NCR1: variants seen among roughly 807,000 people sequenced by gnomAD.
NCR1 encodes the protein natural cytotoxicity triggering receptor 1, also known as NK cell-activating receptor.
In NCR1, 30 loss-of-function variants were observed where a neutral mutation model predicts 32.5. The observed-to-expected ratio is 0.92, with a 90% CI of 0.69 to 1.25. NCR1 has a LOEUF of 1.25. Ranked by LOEUF, NCR1 falls within the 50% of genes most tolerant of loss-of-function variation. NCR1 has a pLI of 0.00. For missense variants in NCR1, 369 were observed against 380.7 expected (o/e 0.97, Z 0.26); for synonymous variants, 169 against 143.4 (o/e 1.18, Z -1.28).
downstream of NCR1, among the ~76,000 whole-genome samples, chr19:54,914,532 T>A (rs1275916179): frequency 6.6e-6 from 1 of 151,552 alleles, no homozygotes; most frequent in African/African-American, 2.4e-5. Context: ...AGAAATGGGG[T>A]TTCACAATGT....
the NCR1 span, chr19:54,927,923 C>T: frequency 1.4e-6 from 1 of 740,508 alleles, no homozygotes; most frequent in South Asian, 1.5e-5. Flanking sequence ...CAAACCCCAT[C>T]TCTACTAAAA....
At chr19:54,931,161 C>T in the NCR1 span, among the ~76,000 whole-genome samples, 3 of 152,252 alleles carry the variant, frequency 2.0e-5, no homozygotes, top group South Asian at 2.1e-4. Context: ...CAGTGGCTCA[C>T]GCCTATAATC....
rs1257111703 is a variant in NCR1 at position 54,906,366 on chromosome 19, C to T, written c.70+32C>T. 2.5e-6 allele frequency: 4 copies of T among 1,611,656 alleles called. No individual in the cohort carries two copies. The East Asian group carries it at 8.9e-5, about 36-fold the overall frequency. On this transcript the variant is annotated intron_variant, in intron 2 of 6. Transcript: ENST00000291890. ...CCTTCCTTCAAAGCCCAGGGTCACT[C>T]TTCCGGATTCAGGCCAAGCTCCTTC... is the stretch of plus-strand genomic sequence containing the variant.
the NCR1 span, among the ~76,000 whole-genome samples, chr19:54,926,038 C>T: frequency 6.0e-5 from 9 of 149,834 alleles, no homozygotes; most frequent in East Asian, 2.0e-4. Context: ...AGACAGACTC[C>T]GTCTCAAAAA....
chr19:54,915,577 G>C (rs12327595), downstream of NCR1, among the ~76,000 whole-genome samples: 3 of 152,034 alleles, frequency 2.0e-5, no homozygotes, highest in Admixed American at 2.0e-4. Flanking sequence ...ACTTGAACCC[G>C]GGAGGCAGAG....
rs1260943606 is a variant in NCR1, at chr19:54,909,240, C to A, written c.356-5C>A. ...CTGGTGTGGTGGCCCCACCTTCTCT[C>A]ATAGAAATGTATGACACACCCACCC... is the stretch of plus-strand genomic sequence containing the variant. On this transcript the variant is annotated splice_region_variant and splice_polypyrimidine_tract_variant and intron_variant, in intron 3 of 6. Coordinates refer to ENST00000291890, the MANE Select transcript of NCR1 (RefSeq NM_004829.7). 3.1e-6 allele frequency: 5 copies of A among 1,605,282 alleles called. No individual in the cohort carries two copies. The highest frequency in any genetic ancestry group is 4.3e-6 in the Non-Finnish European group (5 of 1,172,718).
upstream of NCR1, among the ~76,000 whole-genome samples, chr19:54,903,804 A>C (rs963568484): frequency 1.3e-4 from 20 of 151,452 alleles, no homozygotes; most frequent in African/African-American, 2.9e-4. Context: ...TTTTTTATTA[A>C]GTGGAGAGTT....
chr19:54,899,478 A>T, the NCR1 span, among the ~76,000 whole-genome samples: 3 of 152,090 alleles, frequency 2.0e-5, no homozygotes, highest in East Asian at 5.8e-4. Context: ...AAAAGCGGGA[A>T]AGGGGTCAGG....
chr19:54,907,933 G>A (rs868666045), intron 3 of NCR1, among the ~76,000 whole-genome samples: 1 of 151,646 alleles, frequency 6.6e-6, no homozygotes, highest in African/African-American at 2.4e-5. Context: ...CAGGGTCTTT[G>A]GACCTTGTTT....
Position 54,912,977 on chromosome 19 carries a change from G to A in NCR1, c.*106G>A, listed in dbSNP as rs2068053404. 1.9e-6 allele frequency: 2 copies of A among 1,044,040 alleles called. No individual in the cohort carries two copies. The highest frequency in any genetic ancestry group is 1.6e-5 in the African/African-American group (1 of 63,088). The allele number at this position is 1,044,040 out of a possible 1,614,324, so 64.7% of individuals were successfully genotyped here. Reference sequence around the variant, plus strand: ...CCCACGGAGGAGGGAGTCACTGCAGGGAAAGAGGGACACTGGCATTCCATT... The same window carrying A: ...CCCACGGAGGAGGGAGTCACTGCAGAGAAAGAGGGACACTGGCATTCCATT... On this transcript the variant is annotated 3_prime_UTR_variant, in exon 7 of 7. Coordinates refer to ENST00000291890, the MANE Select transcript of NCR1 (RefSeq NM_004829.7).
At chr19:54,926,017 T>G in the NCR1 span, among the ~76,000 whole-genome samples, 1 of 149,056 alleles carries the variant, frequency 6.7e-6, no homozygotes. Context: ...AAAAGACAGA[T>G]TCAAAAAAAA....
downstream of NCR1, among the ~76,000 whole-genome samples, chr19:54,920,543 A>G (rs1468737615): frequency 6.6e-6 from 1 of 152,176 alleles, no homozygotes; most frequent in African/African-American, 2.4e-5. Context: ...TAAGTGGGTA[A>G]GAGCCCAGTG....
At chr19:54,908,675 A>T (rs1326558228) in intron 3 of NCR1, among the ~76,000 whole-genome samples, 1 of 138,736 alleles carries the variant, frequency 7.2e-6, no homozygotes, top group African/African-American at 2.6e-5. Context: ...TTTTTGAGAC[A>T]GTCTCGCTGC....
chr19:54,900,617 G>A, the NCR1 span, among the ~76,000 whole-genome samples: 1 of 152,224 alleles, frequency 6.6e-6, no homozygotes, highest in South Asian at 2.1e-4. Flanking sequence ...ACCTGACCTG[G>A]TGATCCGCAC....
At chr19:54,934,747 T>TC in the NCR1 span, 1 of 1,134,512 alleles carries the variant, frequency 8.8e-7, no homozygotes, top group African/African-American at 1.6e-5. The surrounding 1 kb of genome is among the most constrained non-coding windows in gnomAD (Gnocchi z 6.7). Flanking sequence ...TTTCACTCTG[T>TC]TGCCCAGTCT....
downstream of NCR1, among the ~76,000 whole-genome samples, chr19:54,915,139 G>A (rs1176140836): frequency 6.6e-6 from 1 of 152,088 alleles, no homozygotes; most frequent in African/African-American, 2.4e-5. Flanking sequence ...TGCCTCTACC[G>A]TGAACTCGTG....
chr19:54,928,658 G>T, the NCR1 span, among the ~76,000 whole-genome samples: 1 of 152,096 alleles, frequency 6.6e-6, no homozygotes, highest in South Asian at 2.1e-4. Flanking sequence ...AGAAACTGAA[G>T]GATGGTAGAT....
chr19:54,909,514 C>G lies in NCR1; in HGVS notation c.625C>G (p.Leu209Val). Residue 209 changes from leucine (L) to valine (V), a missense_variant, in exon 4 of 7, where the codon CTG (leucine) becomes GTG (valine). Leu to Val is a conservative substitution (Grantham distance 32). Coordinates refer to ENST00000291890, the MANE Select transcript of NCR1 (RefSeq NM_004829.7). The stretch of plus-strand genomic sequence containing the variant: ...TTTCCCCAGTGAGCCAGTGAAGCTC[C>G]TGGTCACAGGTGAGGAAATGCTCAA... ...WSFPSEPVKLLVTGDIENTSL... is the reference protein window; with the variant it reads ...WSFPSEPVKLVVTGDIENTSL... The G allele has an allele frequency of 6.2e-7, 1 of 1,604,430 alleles. No individual in the cohort carries two copies. Among genetic ancestry groups the G allele is most frequent in the South Asian group, 1.1e-5 (1 of 91,050 alleles).
intron 5 of NCR1, among the ~76,000 whole-genome samples, chr19:54,910,676 G>A (rs184278660): frequency 2.6e-5 from 4 of 152,286 alleles, no homozygotes; most frequent in African/African-American, 9.6e-5. Flanking sequence ...TCTTGACTGT[G>A]CAGCACTTAG....
Sources: gnomAD v4.1 joint callset for allele counts (sites outside exome capture counted in the v4.1 genomes callset) on GRCh38, gnomAD v4.1.1 for gene constraint, Gnocchi (gnomAD v3.1) non-coding constraint, MANE v1.5 for transcripts, NCBI Gene and HGNC (gene_info 2026-07-23, HGNC 2026-07-21) for gene names.